The following CREBBP variants were observed in gnomAD, a reference collection of about 807,000 sequenced individuals.
CREBBP encodes CREB binding lysine acetyltransferase, also known as CREB-binding protein.
Under a neutral mutation model 265.0 loss-of-function variants are expected in CREBBP, and 19 were observed. The ratio of observed to expected loss-of-function variants is 0.07; its 90% CI spans 0.05 to 0.11. The LOEUF (loss-of-function observed/expected upper bound fraction) is 0.11, where lower values mean the gene tolerates loss of function less well. Ranked by LOEUF, CREBBP falls within the 10% of genes least tolerant of loss-of-function variation. CREBBP has a pLI of 1.00. For synonymous variants in CREBBP, 1,457 were observed against 1,223.7 expected, an observed-to-expected ratio of 1.19 and a Z score of -3.98; for missense variants, 2,525 against 3,219.0, an observed-to-expected ratio of 0.78 and a Z score of 5.22.
chr16:3,834,994 T>G (rs1056557376), intron 2 of CREBBP, among the ~76,000 whole-genome samples: 1 of 151,706 alleles, frequency 6.6e-6, no homozygotes. Context: ...CCGTCTCTAG[T>G]AAAAATACAA....
At chr16:3,740,907 G>A in intron 23 of CREBBP, 1 of 369,404 alleles carries the variant, frequency 2.7e-6, no homozygotes, top group Non-Finnish European at 5.2e-6. Flanking sequence ...GGAGGGCAGA[G>A]ATGGCACACC....
At chr16:3,760,384 T>C (rs1167652564) in intron 16 of CREBBP, among the ~76,000 whole-genome samples, 2 of 143,696 alleles carry the variant, frequency 1.4e-5, no homozygotes, top group African/African-American at 2.6e-5. Flanking sequence ...TAAGCTATCA[T>C]GCCCAGGTTT....
rs2051754534 is a variant in CREBBP, at chr16:3,726,648, A to C, written c.*1070T>G. The C allele has an allele frequency of 4.3e-6, 1 of 233,602 alleles. No homozygotes were observed. 14.5% of individuals were successfully genotyped at this position (233,602 alleles called of 1,614,324 possible). On this transcript the variant is annotated 3_prime_UTR_variant, in exon 31 of 31. Coordinates refer to ENST00000262367, the MANE Select transcript of CREBBP (RefSeq NM_004380.3). ...ACAGGGATCTTAAAGAACAGAATAC[A>C]TGTTAAAAACCTCAGTAATTTATAT...
intron 2 of CREBBP, among the ~76,000 whole-genome samples, chr16:3,842,131 C>T (rs922269834): frequency 6.6e-6 from 1 of 152,164 alleles, no homozygotes; most frequent in Non-Finnish European, 1.5e-5. Flanking sequence ...TAATCTGACC[C>T]CCTATGAAGA....
At chr16:3,781,160 A>G (rs1352525826) in intron 7 of CREBBP, 44 bp downstream of exon 7, 1 of 1,536,248 alleles carries the variant, frequency 6.5e-7, no homozygotes, top group Non-Finnish European at 9.0e-7. Flanking sequence ...TTCTCAGTCC[A>G]TGCTCCTGTT....
intron 3 of CREBBP, among the ~76,000 whole-genome samples, chr16:3,795,086 A>G (rs1277674381): frequency 6.6e-6 from 1 of 152,208 alleles, no homozygotes; most frequent in East Asian, 1.9e-4. Context: ...GTACGTAGAA[A>G]AGCTGGGTGG....
intron 3 of CREBBP, among the ~76,000 whole-genome samples, 179 bp from the exon 4 acceptor site, chr16:3,793,805 C>A (rs551367046): frequency 3.3e-5 from 5 of 151,798 alleles, no homozygotes; most frequent in Non-Finnish European, 7.4e-5. Flanking sequence ...AGAAATCAAC[C>A]CAACTCAGCA....
intron 3 of CREBBP, among the ~76,000 whole-genome samples, chr16:3,807,621 C>A (rs1043041424): frequency 6.6e-6 from 1 of 152,160 alleles, no homozygotes; most frequent in Non-Finnish European, 1.5e-5. Flanking sequence ...GACCTCAGAA[C>A]ATAACTGAAG....
rs777820914 is a variant in CREBBP at position 3,810,713 on chromosome 16, C to T, written c.865G>A (p.Gly289Arg). The T allele has an allele frequency of 1.9e-6, 3 of 1,613,924 alleles. No homozygotes were observed. The highest frequency in any genetic ancestry group is 1.7e-6 in the Non-Finnish European group (2 of 1,180,002). Residue 289 changes from glycine (G) to arginine (R), a missense_variant, in exon 3 of 31, where the codon GGA (glycine) becomes AGA (arginine). By Grantham distance (125) the Gly-to-Arg change is moderately radical. Coordinates refer to ENST00000262367, the MANE Select transcript of CREBBP (RefSeq NM_004380.3). ...PFSQAGGQPM[G>R]ATGVNPQLAS... ...AACTGGGGGTTCACTCCAGTGGCTC[C>T]CATTGGCTGCCCTCCAGCTTGACTA...
chr16:3,729,002 G>A lies in CREBBP; in HGVS notation c.6045C>T (p.Ser2015=), dbSNP rs1240444029. 1 of 1,594,674 alleles carries A rather than the reference G, an allele frequency of 6.3e-7. No homozygotes were observed. Among genetic ancestry groups the A allele is most frequent in the Non-Finnish European group, 8.5e-7 (1 of 1,176,004 alleles). Residue 2015 remains serine, a synonymous_variant, in exon 31 of 31, where the codon AGC becomes AGT. Transcript: ENST00000262367. The part of the protein sequence containing the change: ...PNQVSGPVMP[S]MPPGQWQQAP... ...CCTGCTGCCACTGCCCGGGAGGCATGCTGGGCATGACGGGCCCGCTCACCT... is the reference window on the plus strand; with the variant it reads ...CCTGCTGCCACTGCCCGGGAGGCATACTGGGCATGACGGGCCCGCTCACCT...
In CREBBP at chr16:3,744,882, C is replaced by T. The variant is rs745570626; in HGVS notation, c.3982+12G>A. The T allele has an allele frequency of 1.2e-6, 2 of 1,609,066 alleles. No homozygotes were observed. Among genetic ancestry groups the T allele is most frequent in the Non-Finnish European group, 1.7e-6 (2 of 1,175,402 alleles). ...GTGCAGTCCAGGAAACAGAAAGCTTCCCGAAACTTACTCTTAGCACTGAAT... is the reference window on the plus strand; with the variant it reads ...GTGCAGTCCAGGAAACAGAAAGCTTTCCGAAACTTACTCTTAGCACTGAAT... On this transcript the variant is annotated intron_variant, in intron 23 of 30. Coordinates refer to ENST00000262367, the MANE Select transcript of CREBBP (RefSeq NM_004380.3).
intron 19 of CREBBP, 77 bp from the exon 20 acceptor site, chr16:3,751,883 C>T: frequency 2.3e-6 from 3 of 1,327,936 alleles, no homozygotes; most frequent in Non-Finnish European, 3.2e-6. Context: ...AGCCACCAAT[C>T]AGAGCAGGGC....
intron 28 of CREBBP, among the ~76,000 whole-genome samples, chr16:3,735,258 C>T (rs1359519102): frequency 6.6e-6 from 1 of 152,210 alleles, no homozygotes; most frequent in Non-Finnish European, 1.5e-5. Flanking sequence ...TTTTGTTTCA[C>T]ATCCTACCAG....
intron 16 of CREBBP, among the ~76,000 whole-genome samples, chr16:3,760,709 G>A (rs935548383): frequency 3.3e-5 from 5 of 151,602 alleles, no homozygotes; most frequent in African/African-American, 4.8e-5. Flanking sequence ...CAGCCATCAT[G>A]CCCATCTCAT....
At chr16:3,760,937 C>G (rs1596862007) in intron 16 of CREBBP, among the ~76,000 whole-genome samples, 1 of 152,020 alleles carries the variant, frequency 6.6e-6, no homozygotes, top group South Asian at 2.1e-4. Context: ...TGGGCCTGGT[C>G]TGTTTTTTGT....
At chr16:3,807,229 T>C (rs2053848330) in intron 3 of CREBBP, among the ~76,000 whole-genome samples, 1 of 152,072 alleles carries the variant, frequency 6.6e-6, no homozygotes, top group African/African-American at 2.4e-5. Context: ...TGGACTCCTA[T>C]AGAAACTAGG....
At position 3,810,717 on chromosome 16, in the gene CREBBP, T is replaced by C; in HGVS notation, c.861A>G (p.Pro287=). The part of the protein sequence containing the change: ...GQPFSQAGGQ[P]MGATGVNPQL... ...GGGGGTTCACTCCAGTGGCTCCCAT[T>C]GGCTGCCCTCCAGCTTGACTAAAGG... The change falls in exon 3 of 31, where the codon CCA becomes CCG. Residue 287 remains proline (P), a synonymous_variant. Transcript: ENST00000262367. 6.2e-7 allele frequency: 1 copy of C among 1,613,986 alleles called. No homozygotes were observed. Among genetic ancestry groups the C allele is most frequent in the Non-Finnish European group, 8.5e-7 (1 of 1,180,014 alleles).
intron 2 of CREBBP, among the ~76,000 whole-genome samples, chr16:3,838,514 T>C (rs1352910657): frequency 6.6e-6 from 1 of 152,196 alleles, no homozygotes; most frequent in Non-Finnish European, 1.5e-5. Flanking sequence ...CCGTTTGTGT[T>C]ACAGAAAATA....
At chr16:3,857,125 G>A (rs1159250435) in intron 1 of CREBBP, among the ~76,000 whole-genome samples, 5 of 152,138 alleles carry the variant, frequency 3.3e-5, no homozygotes, top group Non-Finnish European at 7.4e-5. Context: ...AGAGCTATCA[G>A]TTTTCATTTA....
Sources: allele counts gnomAD v4.1 joint callset (sites outside exome capture counted in the v4.1 genomes callset), GRCh38; gene constraint gnomAD v4.1.1; transcripts MANE v1.5; gene names NCBI Gene and HGNC (gene_info 2026-07-23, HGNC 2026-07-21).